The following NPSR1 variants were observed in gnomAD, a reference collection of about 807,000 sequenced individuals.
NPSR1 encodes neuropeptide S receptor.
NPSR1 carries 48 observed loss-of-function variants against 46.9 expected under a neutral mutation model. That is an observed-to-expected ratio of 1.02 (90% CI 0.81 to 1.30). The LOEUF (loss-of-function observed/expected upper bound fraction) is 1.30, where lower values mean the gene tolerates loss of function less well. Ranked by LOEUF, NPSR1 falls within the 50% of genes most tolerant of loss-of-function variation. NPSR1 has a pLI of 0.00. For missense variants in NPSR1, 450 were observed against 449.5 expected (o/e 1.00, Z -0.01); for synonymous variants, 176 against 168.1 (o/e 1.05, Z -0.36).
intron 2 of NPSR1, among the ~76,000 whole-genome samples, chr7:34,702,555 G>A (rs556591904): frequency 6.6e-6 from 1 of 152,266 alleles, no homozygotes; most frequent in East Asian, 1.9e-4. Flanking sequence ...TTCTTCCAGA[G>A]TGCTACGCTC....
chr7:34,849,404 TG>T, intron 8 of NPSR1, 160 bp from the exon 9 acceptor site: 1 of 1,557,582 alleles, frequency 6.4e-7, no homozygotes, highest in Non-Finnish European at 8.7e-7. Flanking sequence ...AGGAGAGCTG[TG>T]AGTCATGGAG....
At chr7:34,775,824 T>C (rs1345792586) in intron 2 of NPSR1, among the ~76,000 whole-genome samples, 2 of 152,274 alleles carry the variant, frequency 1.3e-5, no homozygotes, top group Non-Finnish European at 2.9e-5. Context: ...CATCATTAAG[T>C]TGTTTATTTA....
chr7:34,743,512 C>T (rs1193977593), intron 2 of NPSR1, among the ~76,000 whole-genome samples: 5 of 151,598 alleles, frequency 3.3e-5, no homozygotes, highest in East Asian at 1.9e-4. Context: ...ATGATCTTGG[C>T]GCACTGCAAC....
At chr7:34,784,983 G>T (rs993799176) in intron 3 of NPSR1, among the ~76,000 whole-genome samples, 9 of 152,042 alleles carry the variant, frequency 5.9e-5, no homozygotes, top group Non-Finnish European at 1.0e-4. Flanking sequence ...CGATTCCTCA[G>T]GGATCTAGAA....
intron 8 of NPSR1, among the ~76,000 whole-genome samples, chr7:34,857,106 A>C (rs1791068057): frequency 6.6e-6 from 1 of 151,844 alleles, no homozygotes. Context: ...GAGAAATTAT[A>C]ATACTATTGA....
chr7:34,797,250 A>G (rs982016648), intron 3 of NPSR1, among the ~76,000 whole-genome samples: 6 of 152,182 alleles, frequency 3.9e-5, no homozygotes, highest in African/African-American at 1.2e-4. Flanking sequence ...CTATACTATA[A>G]CAGTGGACAC....
intron 2 of NPSR1, among the ~76,000 whole-genome samples, chr7:34,697,561 C>A (rs1409782612): frequency 6.6e-6 from 1 of 151,844 alleles, no homozygotes; most frequent in Non-Finnish European, 1.5e-5. Flanking sequence ...CCTACATACA[C>A]CCTCCTGTAT....
chr7:34,849,609 C>G lies in NPSR1; in HGVS notation c.1070C>G (p.Thr357Ser). Residue 357 changes from threonine to serine, a missense_variant, in exon 9 of 9, where the codon ACT becomes AGT. Physicochemically the swap from Thr to Ser is moderately conservative, Grantham distance 58 (BLOSUM62 1). Coordinates refer to ENST00000360581, the MANE Select transcript of NPSR1 (RefSeq NM_207172.2). Reference sequence around the variant, plus strand: ...TCCAGAATGACGTTCCGGGAGAGAACTGAGAGGCATGAGATGCAGATTCTG... The same window carrying G: ...TCCAGAATGACGTTCCGGGAGAGAAGTGAGAGGCATGAGATGCAGATTCTG... ...QDSRMTFRER[T>S]ERHEMQILSK... The G allele has an allele frequency of 1.2e-6, 2 of 1,614,164 alleles. No homozygotes were observed. Among genetic ancestry groups the G allele is most frequent in the Non-Finnish European group, 1.7e-6 (2 of 1,180,018 alleles).
At chr7:34,873,274 C>T (rs1791498477) in intron 8 of NPSR1, among the ~76,000 whole-genome samples, 1 of 151,748 alleles carries the variant, frequency 6.6e-6, no homozygotes. Flanking sequence ...CTGAAACCTC[C>T]AAATTCTTCC....
intron 6 of NPSR1, among the ~76,000 whole-genome samples, chr7:34,840,790 G>T (rs922178176): frequency 1.3e-5 from 2 of 152,160 alleles, no homozygotes; most frequent in African/African-American, 2.4e-5. Context: ...AGCCTAGAAA[G>T]CAGGATCCAG....
intron 4 of NPSR1, among the ~76,000 whole-genome samples, chr7:34,824,864 A>G (rs905899155): frequency 1.3e-5 from 2 of 151,630 alleles, no homozygotes; most frequent in African/African-American, 4.9e-5. Context: ...CAGGCTTCAC[A>G]CCCCCACCAT....
At chr7:34,717,697 T>A (rs1277862298) in intron 2 of NPSR1, among the ~76,000 whole-genome samples, 1 of 152,214 alleles carries the variant, frequency 6.6e-6, no homozygotes, top group South Asian at 2.1e-4. Flanking sequence ...GGTCTCATCT[T>A]GGAAAAGGAC....
intron 2 of NPSR1, among the ~76,000 whole-genome samples, chr7:34,770,417 T>C (rs1302248378): frequency 6.6e-6 from 1 of 152,148 alleles, no homozygotes; most frequent in Non-Finnish European, 1.5e-5. Flanking sequence ...GGATTATAGA[T>C]CCCATGTGCT....
At chr7:34,786,004 G>T (rs1787450098) in intron 3 of NPSR1, among the ~76,000 whole-genome samples, 1 of 152,084 alleles carries the variant, frequency 6.6e-6, no homozygotes, top group Non-Finnish European at 1.5e-5. Flanking sequence ...CAAAGGTTGT[G>T]GTGGCTGTGG....
chr7:34,740,812 G>A (rs148419369), intron 2 of NPSR1, among the ~76,000 whole-genome samples: 1,741 of 152,112 alleles, frequency 0.011, 26 homozygotes, highest in African/African-American at 0.039. Context: ...GGGTTCTCTC[G>A]GCTTTCCTGA....
At chr7:34,850,695 C>T (rs539497180), downstream of NPSR1, among the ~76,000 whole-genome samples, 12 of 152,222 alleles carry the variant, frequency 7.9e-5, no homozygotes, top group East Asian at 5.8e-4. Context: ...CCACCGCGCC[C>T]GGCCTGTCCT....
At chr7:34,789,018 G>T (rs775798987) in intron 3 of NPSR1, among the ~76,000 whole-genome samples, 2 of 151,834 alleles carry the variant, frequency 1.3e-5, no homozygotes, top group African/African-American at 4.8e-5. Context: ...TGTTACAAAC[G>T]TGAAAATTAA....
At chr7:34,833,073 A>C (rs1790194177) in intron 5 of NPSR1, among the ~76,000 whole-genome samples, 1 of 152,250 alleles carries the variant, frequency 6.6e-6, no homozygotes, top group South Asian at 2.1e-4. Flanking sequence ...GGGAAAAGGC[A>C]GTAAGAAGCA....
intron 2 of NPSR1, among the ~76,000 whole-genome samples, chr7:34,706,382 A>T (rs1387254007): frequency 6.6e-6 from 1 of 152,112 alleles, no homozygotes; most frequent in Non-Finnish European, 1.5e-5. Context: ...TCTATATGTT[A>T]GTAATTTTGG....
Sources: allele counts gnomAD v4.1 joint callset (sites outside exome capture counted in the v4.1 genomes callset), GRCh38; gene constraint gnomAD v4.1.1; transcripts MANE v1.5; gene names NCBI Gene and HGNC (gene_info 2026-07-23, HGNC 2026-07-21).